The following MAP7D2 variants were observed in gnomAD, a reference collection of about 807,000 sequenced individuals.
The protein encoded by MAP7D2 is MAP7 domain containing 2, also known as MAP7 domain-containing protein 2.
MAP7D2 carries 33 observed loss-of-function variants against 63.5 expected under a neutral mutation model. That is an observed-to-expected ratio of 0.52 (90% CI 0.39 to 0.70). The LOEUF (loss-of-function observed/expected upper bound fraction) is 0.70. Among genes scored for constraint, MAP7D2 ranks in the 30% least tolerant of loss-of-function variants. The pLI, the probability that MAP7D2 is intolerant of heterozygous loss-of-function variation, is 0.00. For missense variants in MAP7D2, 626 were observed against 604.0 expected (o/e 1.04, Z -0.38); for synonymous variants, 224 against 223.7 (o/e 1.00, Z -0.01).
chrX:20,030,294 A>G lies in MAP7D2; in HGVS notation c.1008-4342T>C. ...ACCTTTCCCAAAGAAATGCAAACAG[A>G]CAAGAGTACCAGGGCTGGCACTCAA... is the stretch of plus-strand genomic sequence containing the variant. On this transcript the variant is annotated intron_variant, in intron 8 of 16. Transcript: ENST00000379643. Among the ~76,000 whole-genome samples, 2 of 112,134 alleles carry G rather than the reference A, an allele frequency of 1.8e-5. 1 individual carries two copies. The highest frequency in any genetic ancestry group is 5.6e-4 in the East Asian group (2 of 3,593).
At chrX:20,034,932 C>A (rs2074172756) in intron 8 of MAP7D2, among the ~76,000 whole-genome samples, 1 of 111,557 alleles carries the variant, frequency 9.0e-6, no homozygotes, top group African/African-American at 3.3e-5. Flanking sequence ...ATAGACCAAC[C>A]CCGCCTATGC....
At chrX:20,029,305 A>G (rs1671847261) in intron 8 of MAP7D2, among the ~76,000 whole-genome samples, 1 of 112,462 alleles carries the variant, frequency 8.9e-6, no homozygotes, top group Non-Finnish European at 1.9e-5. Flanking sequence ...CATAGCCAGC[A>G]TCTGAGTTCC....
At chrX:20,043,008 G>C (rs1183995434) in intron 7 of MAP7D2, among the ~76,000 whole-genome samples, 1 of 111,895 alleles carries the variant, frequency 8.9e-6, no homozygotes, top group Admixed American at 9.5e-5. Context: ...TGTGGCCCCT[G>C]ATGGTATACA....
intron 1 of MAP7D2, among the ~76,000 whole-genome samples, chrX:20,077,374 A>G (rs766982244): frequency 6.5e-4 from 73 of 111,479 alleles, no homozygotes; most frequent in Middle Eastern, 4.6e-3. Flanking sequence ...AATTGCTTGA[A>G]CCTGGGAGGT....
chrX:20,088,471 T>TTG (rs2065976460), intron 1 of MAP7D2, among the ~76,000 whole-genome samples: 1 of 24,523 alleles, frequency 4.1e-5, no homozygotes, highest in Admixed American at 3.8e-4. Context: ...ATTTTCAGTT[T>TTG]TTTTTTTTTT....
intron 8 of MAP7D2, among the ~76,000 whole-genome samples, chrX:20,036,763 G>A (rs2064501713): frequency 9.6e-6 from 1 of 103,775 alleles, no homozygotes. Context: ...AATTAGCCGG[G>A]CGTGGTGGCG....
At chrX:20,058,205 G>A (rs988141856) in intron 3 of MAP7D2, among the ~76,000 whole-genome samples, 2 of 112,720 alleles carry the variant, frequency 1.8e-5, no homozygotes, top group Non-Finnish European at 3.7e-5. Context: ...GGCCAACTCT[G>A]GCAGTCTGCC....
At chrX:20,116,565 A>C in intron 1 of MAP7D2, 185 bp downstream of exon 1, 1 of 943,212 alleles carries the variant, frequency 1.1e-6, no homozygotes, top group Non-Finnish European at 1.3e-6. Context: ...CGCCACTCGC[A>C]CAGAGAGGGG....
At chrX:20,096,672 G>T (rs2066279808) in intron 1 of MAP7D2, among the ~76,000 whole-genome samples, 1 of 110,611 alleles carries the variant, frequency 9.0e-6, no homozygotes, top group African/African-American at 3.3e-5. Flanking sequence ...TGGGATGATG[G>T]AGAAAGTTCT....
At chrX:20,053,073 C>T in intron 4 of MAP7D2, 85 bp from the exon 5 acceptor site, 1 of 661,021 alleles carries the variant, frequency 1.5e-6, no homozygotes, top group Non-Finnish European at 2.4e-6. Context: ...TCCTTCCTGT[C>T]CTCATCCACG....
chrX:20,072,548 G>C (rs2036834711), intron 1 of MAP7D2, among the ~76,000 whole-genome samples: 1 of 111,560 alleles, frequency 9.0e-6, no homozygotes, highest in African/African-American at 3.3e-5. Context: ...GTTCATGAAG[G>C]GGAAGCAGTA....
At chrX:20,042,397 G>T in intron 8 of MAP7D2, 105 bp downstream of exon 8, 1 of 950,809 alleles carries the variant, frequency 1.1e-6, no homozygotes, top group South Asian at 2.3e-5. Context: ...CTTCTGGCTG[G>T]CCACGCCTCA....
Position 20,044,420 on chromosome X carries a change from T to C in MAP7D2, c.823A>G (p.Thr275Ala). 8.3e-7 allele frequency: 1 copy of C among 1,211,179 alleles called. No individual in the cohort carries two copies. The highest frequency in any genetic ancestry group is 1.1e-6 in the Non-Finnish European group (1 of 895,074). ...IEKKKATSTS[T>A]SGAGDVGKEA... ...TTCCCAACATCTCCTGCACCAGATG[T>C]AGACGTAGATGTAGCTTTCTTCTTC... Residue 275 changes from threonine (T) to alanine (A), a missense_variant, in exon 7 of 17, where the codon ACA becomes GCA. Transcript: ENST00000379643.
At chrX:20,104,317 T>C (rs2148545011) in intron 1 of MAP7D2, among the ~76,000 whole-genome samples, 1 of 112,944 alleles carries the variant, frequency 8.9e-6, no homozygotes, top group South Asian at 3.6e-4. Context: ...TATGATGTTT[T>C]TGAGACAGAG....
At chrX:20,065,587 C>T (rs1388463863) in intron 1 of MAP7D2, among the ~76,000 whole-genome samples, 1 of 111,326 alleles carries the variant, frequency 9.0e-6, no homozygotes, top group Non-Finnish European at 1.9e-5. Flanking sequence ...AAGGAGCCAA[C>T]GTATGAGCTC....
rs1326080888 is a variant in MAP7D2 at position 20,008,209 on chromosome X, T to C, written c.*216A>G. On this transcript the variant is annotated 3_prime_UTR_variant, in exon 17 of 17. Coordinates refer to ENST00000379643, the MANE Select transcript of MAP7D2 (RefSeq NM_001168465.2). ...TAAACAGAACTGTAAAAGGAAACTT[T>C]GCTAAAGCCCAGCAAGGTGAAAGTT... 8.9e-6 allele frequency: 1 copy of C among 112,187 alleles called. No homozygotes were observed. The highest frequency in any genetic ancestry group is 3.2e-5 in the African/African-American group (1 of 30,860). The allele number at this position is 112,187 out of a possible 1,213,427, so 9.2% of individuals were successfully genotyped here. A position where few individuals can be genotyped will look rare whatever the true frequency, so the allele number is the denominator to read the frequency against.
intron 12 of MAP7D2, among the ~76,000 whole-genome samples, chrX:20,014,207 T>C (rs1302227482): frequency 8.9e-6 from 1 of 112,879 alleles, no homozygotes; most frequent in Admixed American, 9.3e-5. Flanking sequence ...TCTTTACTTA[T>C]AAAAACACAC....
At chrX:20,068,682 G>A (rs1015224833) in intron 1 of MAP7D2, among the ~76,000 whole-genome samples, 2 of 111,845 alleles carry the variant, frequency 1.8e-5, no homozygotes, top group Non-Finnish European at 3.8e-5. Flanking sequence ...GTAGATTACT[G>A]TGAACACTAA....
intron 1 of MAP7D2, among the ~76,000 whole-genome samples, chrX:20,088,949 A>C: frequency 9.1e-6 from 1 of 109,635 alleles, no homozygotes; most frequent in Non-Finnish European, 1.9e-5. Context: ...TTTCTGGCTA[A>C]TTTTTGTATT....
Sources: gnomAD v4.1 joint callset for allele counts (sites outside exome capture counted in the v4.1 genomes callset) on GRCh38, gnomAD v4.1.1 for gene constraint, MANE v1.5 for transcripts, NCBI Gene and HGNC (gene_info 2026-07-23, HGNC 2026-07-21) for gene names.